The following SAXO1 variants were observed in gnomAD, a reference collection of about 807,000 sequenced individuals.
SAXO1 encodes the protein stabilizer of axonemal microtubules 1.
Under a neutral mutation model 17.5 loss-of-function variants are expected in SAXO1, and 21 were observed. The ratio of observed to expected loss-of-function variants is 1.20; its 90% CI spans 0.85 to 1.72. The LOEUF is 1.72. Among genes scored for constraint, SAXO1 ranks in the 40% most tolerant of loss-of-function variants. The probability of loss-of-function intolerance (pLI) is 0.00; values close to 1 mark genes in which losing one functional copy is unlikely to be tolerated. For synonymous variants in SAXO1, 274 were observed against 216.5 expected, an observed-to-expected ratio of 1.27 and a Z score of -2.33; for missense variants, 843 against 596.0, an observed-to-expected ratio of 1.41 and a Z score of -4.32.
chr9:18,963,989 T>A (rs956756709), intron 1 of SAXO1, among the ~76,000 whole-genome samples: 2 of 148,630 alleles, frequency 1.3e-5, no homozygotes, highest in South Asian at 2.1e-4. Flanking sequence ...GAGAGTTTTT[T>A]AATTTTGTCA....
At chr9:18,945,712 A>T (rs372375389) in intron 2 of SAXO1, among the ~76,000 whole-genome samples, 12 of 151,992 alleles carry the variant, frequency 7.9e-5, no homozygotes, top group Non-Finnish European at 1.5e-4. Flanking sequence ...GAGTCCCTCA[A>T]CTCCCACTAA....
intron 1 of SAXO1, among the ~76,000 whole-genome samples, chr9:18,973,020 C>G (rs1219233928): frequency 6.6e-6 from 1 of 152,182 alleles, no homozygotes; most frequent in Non-Finnish European, 1.5e-5. Flanking sequence ...AAAATCAGGG[C>G]ATAAAGCCAC....
At chr9:18,952,424 C>T (rs1326383877) in intron 1 of SAXO1, among the ~76,000 whole-genome samples, 1 of 152,226 alleles carries the variant, frequency 6.6e-6, no homozygotes, top group Non-Finnish European at 1.5e-5. Context: ...CAACAGCTGG[C>T]ATGCTGCTCC....
chr9:19,031,249 C>G (rs1835752599), intron 1 of SAXO1, among the ~76,000 whole-genome samples: 1 of 152,188 alleles, frequency 6.6e-6, no homozygotes, highest in South Asian at 2.1e-4. Flanking sequence ...CAGGAGGACA[C>G]AGGAGGGTAA....
intron 1 of SAXO1, chr9:19,027,357 G>GA (rs1835529461): frequency 1.3e-6 from 1 of 778,830 alleles, no homozygotes; most frequent in African/African-American, 1.7e-5. Context: ...ACTCGCGGGT[G>GA]AAGGCCACAG....
chr9:19,042,660 C>T (rs1836104315), intron 1 of SAXO1, among the ~76,000 whole-genome samples: 1 of 150,656 alleles, frequency 6.6e-6, no homozygotes. Context: ...GTTGGGAATT[C>T]AAAACCAGCC....
At position 18,974,852 on chromosome 9, in the gene SAXO1, A is replaced by G. The variant is rs77003106; in HGVS notation, c.39-23915T>C. Among the ~76,000 whole-genome samples, 64 of 152,368 alleles carry G rather than the reference A, an allele frequency of 4.2e-4. 4 individuals are homozygous for G. The East Asian group carries it at 0.012, about 28-fold the overall frequency. ...TAGATTCAGGTGGATTCATTCAACCATGGATGGATGCTAAGGCTGATAGGC... is the reference window on the plus strand; with the variant it reads ...TAGATTCAGGTGGATTCATTCAACCGTGGATGGATGCTAAGGCTGATAGGC... On this transcript the variant is annotated intron_variant, in intron 1 of 3. Coordinates refer to ENST00000380534, the MANE Select transcript of SAXO1 (RefSeq NM_153707.4).
chr9:18,949,352 G>A lies in SAXO1; in HGVS notation c.218+1406C>T, dbSNP rs77404938. 3.2e-3 allele frequency among the ~76,000 whole-genome samples: 464 copies of A among 144,322 alleles called. 4 individuals are homozygous for A. The East Asian group carries it at 0.059, about 18-fold the overall frequency. The allele number at this position is 144,322 out of a possible 152,430, so 94.7% of individuals were successfully genotyped here. On this transcript the variant is annotated intron_variant, in intron 2 of 3. Coordinates refer to ENST00000380534, the MANE Select transcript of SAXO1 (RefSeq NM_153707.4). ...CCATGCCTGTAGTCCCAGCTACTAGGAGACTGAGGGGCAAGGATCACTTGA... is the reference window on the plus strand; with the variant it reads ...CCATGCCTGTAGTCCCAGCTACTAGAAGACTGAGGGGCAAGGATCACTTGA...
chr9:18,960,368 C>T (rs957823189), intron 1 of SAXO1, among the ~76,000 whole-genome samples: 1 of 152,120 alleles, frequency 6.6e-6, no homozygotes. Context: ...CTCTTCACTA[C>T]TCCTTTTTAT....
intron 1 of SAXO1, among the ~76,000 whole-genome samples, chr9:18,997,782 C>G (rs1262798602): frequency 6.6e-6 from 1 of 152,138 alleles, no homozygotes; most frequent in Non-Finnish European, 1.5e-5. Context: ...GTTCAGTCAG[C>G]AATATTTGCT....
intron 3 of SAXO1, among the ~76,000 whole-genome samples, chr9:18,938,848 GTGTGTA>G (rs1399115879): frequency 6.6e-6 from 1 of 151,664 alleles, no homozygotes; most frequent in African/African-American, 2.4e-5. Flanking sequence ...GTGTGTGTGT[GTGTGTA>G]TGTGTGTGTG....
chr9:19,032,175 C>T (rs988563414), intron 1 of SAXO1, among the ~76,000 whole-genome samples: 1 of 152,116 alleles, frequency 6.6e-6, no homozygotes, highest in African/African-American at 2.4e-5. Flanking sequence ...CCACTCCCTG[C>T]CCCAGCCAAG....
chr9:18,964,507 G>T (rs1389139038), intron 1 of SAXO1, among the ~76,000 whole-genome samples: 1 of 152,146 alleles, frequency 6.6e-6, no homozygotes, highest in African/African-American at 2.4e-5. Flanking sequence ...TTAGGAGAAT[G>T]TATGTTTCCA....
intron 3 of SAXO1, among the ~76,000 whole-genome samples, chr9:18,936,289 C>T (rs1003314979): frequency 5.3e-5 from 8 of 152,190 alleles, no homozygotes; most frequent in African/African-American, 1.7e-4. Context: ...ACGGCTCTAT[C>T]AGCATCTTGA....
chr9:19,028,546 T>C (rs1022604182), intron 1 of SAXO1, among the ~76,000 whole-genome samples: 1 of 152,206 alleles, frequency 6.6e-6, no homozygotes, highest in Non-Finnish European at 1.5e-5. Context: ...AATTAAGTGG[T>C]ACATTAGTTT....
chr9:18,946,069 G>C (rs1831781007), intron 2 of SAXO1, among the ~76,000 whole-genome samples: 1 of 152,092 alleles, frequency 6.6e-6, no homozygotes, highest in African/African-American at 2.4e-5. Flanking sequence ...CAGATGTCAG[G>C]AGTATGAGAC....
rs1414791819 is a variant in SAXO1 at position 19,027,033 on chromosome 9, CAT to C, written c.38+5836_38+5837del. 4 of 835,998 alleles carry C rather than the reference CAT, an allele frequency of 4.8e-6. No individual in the cohort carries two copies. In the Admixed American group the frequency reaches 6.9e-5, roughly 14 times the overall value. The allele number at this position is 835,998 out of a possible 1,614,324, so 51.8% of individuals were successfully genotyped here. ...GAAGAGTTAACTGTTGAGAGTCACC[CAT>C]GAGCTCCAAGCCATGAAGGACAAGA... On this transcript the variant is annotated intron_variant, in intron 1 of 3. Transcript: ENST00000380534.
chr9:19,036,353 A>G (rs1220820224), upstream of SAXO1, among the ~76,000 whole-genome samples: 1 of 152,208 alleles, frequency 6.6e-6, no homozygotes, highest in Non-Finnish European at 1.5e-5. Flanking sequence ...ATAAGTGACA[A>G]GTAGCCAAAT....
chr9:19,032,964 T>G lies in SAXO1; in HGVS notation c.-56A>C. 1 of 1,563,880 alleles carries G rather than the reference T, an allele frequency of 6.4e-7. No individual in the cohort carries two copies. The highest frequency in any genetic ancestry group is 2.3e-5 in the East Asian group (1 of 43,356). On this transcript the variant is annotated 5_prime_UTR_variant, in exon 1 of 4. Transcript: ENST00000380534. The stretch of plus-strand genomic sequence containing the variant: ...CAGAGCATCGCCAGCTGCAGCCGAC[T>G]CCTAGACCCCAACCACCTGTCTTGG...
Sources: gnomAD v4.1 joint callset for allele counts (sites outside exome capture counted in the v4.1 genomes callset) on GRCh38, gnomAD v4.1.1 for gene constraint, MANE v1.5 for transcripts, NCBI Gene and HGNC (gene_info 2026-07-23, HGNC 2026-07-21) for gene names.